Variants in PRIMPOL observed in about 807,000 individuals in gnomAD.
PRIMPOL encodes the protein primase and DNA directed polymerase.
In PRIMPOL, 54 loss-of-function variants were observed where a neutral mutation model predicts 63.6. The ratio of observed to expected loss-of-function variants is 0.85; its 90% CI spans 0.68 to 1.07. The LOEUF (loss-of-function observed/expected upper bound fraction) is 1.07, where lower values mean the gene tolerates loss of function less well. PRIMPOL is among the 50% of genes least tolerant of loss of function. The pLI is 0.00. For missense variants in PRIMPOL, 610 were observed against 648.3 expected, an observed-to-expected ratio of 0.94 and a Z score of 0.64; for synonymous variants, 197 against 220.2, an observed-to-expected ratio of 0.89 and a Z score of 0.93.
intron 7 of PRIMPOL, 117 bp from the exon 8 acceptor site, chr4:184,678,115 C>A: frequency 1.7e-6 from 1 of 581,236 alleles, no homozygotes; most frequent in Non-Finnish European, 2.8e-6. Context: ...TTGTTTACAG[C>A]TATATATAGA....
intron 1 of PRIMPOL, among the ~76,000 whole-genome samples, chr4:184,651,052 G>A (rs942210622): frequency 6.6e-6 from 1 of 152,166 alleles, no homozygotes; most frequent in Non-Finnish European, 1.5e-5. Context: ...GACTTTGGGA[G>A]GCCGAGGCAG....
chr4:184,691,778 C>A, intron 13 of PRIMPOL, 66 bp downstream of exon 13: 1 of 1,222,454 alleles, frequency 8.2e-7, no homozygotes, highest in Non-Finnish European at 1.2e-6. Context: ...ATACCTGAGC[C>A]ATGAGTAGTG....
At chr4:184,694,102 A>AATC (rs2150188932) in intron 13 of PRIMPOL, 1 of 430,382 alleles carries the variant, frequency 2.3e-6, no homozygotes, top group African/African-American at 2.1e-5. Flanking sequence ...AACTGTTTTT[A>AATC]ATCTTTTTTC....
At chr4:184,668,869 A>C (rs1479191152) in intron 6 of PRIMPOL, among the ~76,000 whole-genome samples, 1 of 144,984 alleles carries the variant, frequency 6.9e-6, no homozygotes, top group Non-Finnish European at 1.5e-5. Context: ...TATCATTATC[A>C]ATAATATTAC....
chr4:184,678,490 C>A, intron 8 of PRIMPOL, 96 bp downstream of exon 8: 159 of 703,726 alleles, frequency 2.3e-4, no homozygotes, highest in Non-Finnish European at 3.2e-4. Flanking sequence ...CATCTAAATT[C>A]ATTCTACCTT....
At chr4:184,689,873 CAAG>C (rs1326218181) in intron 11 of PRIMPOL, among the ~76,000 whole-genome samples, 3 of 152,184 alleles carry the variant, frequency 2.0e-5, no homozygotes, top group African/African-American at 7.2e-5. Flanking sequence ...TCAGATTGCT[CAAG>C]AAATGTCAAG....
intron 12 of PRIMPOL, 39 bp downstream of exon 12, chr4:184,691,620 T>C: frequency 6.2e-7 from 1 of 1,601,518 alleles, no homozygotes; most frequent in Non-Finnish European, 8.6e-7. Flanking sequence ...AAAGTAAAAA[T>C]TAGATAACTG....
rs761821580 is a variant in PRIMPOL at position 184,686,637 on chromosome 4, G to C, written c.1295+953G>C. Among the ~76,000 whole-genome samples the C allele has an allele frequency of 8.5e-5, 13 of 152,156 alleles. 1 individual carries two copies. The highest frequency in any genetic ancestry group is 4.1e-4 in the South Asian group (2 of 4,832). On this transcript the variant is annotated intron_variant, in intron 11 of 13. Transcript: ENST00000314970. ...ATAAATAGATACCCAGTAGTTATCAGTTATGAGGTGAGAAATTTTGCTGTT... is the reference window on the plus strand; with the variant it reads ...ATAAATAGATACCCAGTAGTTATCACTTATGAGGTGAGAAATTTTGCTGTT...
chr4:184,663,573 T>A (rs905961815), intron 5 of PRIMPOL, among the ~76,000 whole-genome samples: 1 of 152,220 alleles, frequency 6.6e-6, no homozygotes, highest in African/African-American at 2.4e-5. Context: ...TAATAAACAC[T>A]GGTATGGCAA....
At chr4:184,690,541 C>G (rs893568412) in intron 11 of PRIMPOL, among the ~76,000 whole-genome samples, 30 of 152,140 alleles carry the variant, frequency 2.0e-4, no homozygotes, top group African/African-American at 6.8e-4. Context: ...CTCACTGCAA[C>G]CTCCGCCTCC....
rs577501056 is a variant in PRIMPOL, at chr4:184,681,007, G to A, written c.1008-1241G>A. Among the ~76,000 whole-genome samples, 10 of 152,302 alleles carry A rather than the reference G, an allele frequency of 6.6e-5. No homozygotes were observed. The South Asian group carries it at 2.1e-3, about 32-fold the overall frequency. On this transcript the variant is annotated intron_variant, in intron 8 of 13. Coordinates refer to ENST00000314970, the MANE Select transcript of PRIMPOL (RefSeq NM_152683.4). Reference sequence around the variant, plus strand: ...CATATGGGAAAAGCAACTACAGCCCGAAGTGCAGGTAATCTCCCGATTACC... The same window carrying A: ...CATATGGGAAAAGCAACTACAGCCCAAAGTGCAGGTAATCTCCCGATTACC...
intron 8 of PRIMPOL, among the ~76,000 whole-genome samples, chr4:184,681,320 A>G (rs1414727500): frequency 6.6e-6 from 1 of 152,138 alleles, no homozygotes; most frequent in Non-Finnish European, 1.5e-5. Flanking sequence ...TGTTTGGTGA[A>G]TAGAGTTATA....
rs755080901 is a variant in PRIMPOL, at chr4:184,691,706, C to T, written c.1419C>T (p.Phe473=). The change falls in exon 13 of 14, where the codon TTC becomes TTT. Residue 473 remains phenylalanine, a synonymous_variant. Coordinates refer to ENST00000314970, the MANE Select transcript of PRIMPOL (RefSeq NM_152683.4). Reference sequence around the variant, plus strand: ...CTGAAGTATGTCTCCTGTTTCTTTTCAAAGAGGTAAGTACAGATTTTAGTG... The same window carrying T: ...CTGAAGTATGTCTCCTGTTTCTTTTTAAAGAGGTAAGTACAGATTTTAGTG... ...LPAEVCLLFL[F]KEEEEFTTDE... 3.1e-6 allele frequency: 5 copies of T among 1,610,868 alleles called. No individual in the cohort carries two copies. The highest frequency in any genetic ancestry group is 4.2e-6 in the Non-Finnish European group (5 of 1,177,620).
intron 7 of PRIMPOL, among the ~76,000 whole-genome samples, chr4:184,676,415 T>C (rs1198095717): frequency 1.9e-5 from 2 of 104,258 alleles, no homozygotes; most frequent in Admixed American, 9.3e-5. Flanking sequence ...CCCTTCTCCC[T>C]TCCCTTCTCC....
At chr4:184,684,418 T>C (rs1475354249) in intron 9 of PRIMPOL, among the ~76,000 whole-genome samples, 1 of 149,940 alleles carries the variant, frequency 6.7e-6, no homozygotes, top group Admixed American at 6.7e-5. Context: ...ATCGCGCCAC[T>C]GCACTCCAGC....
chr4:184,691,787 T>C lies in PRIMPOL; in HGVS notation c.1425+75T>C, dbSNP rs541666254. On this transcript the variant is annotated intron_variant, in intron 13 of 13. Coordinates refer to ENST00000314970, the MANE Select transcript of PRIMPOL (RefSeq NM_152683.4). ...AATAGTATACCTGAGCCATGAGTAG[T>C]GTCCAAATAGCATTGAAACCCATTT... is the stretch of plus-strand genomic sequence containing the variant. The C allele has an allele frequency of 2.9e-5, 33 of 1,129,510 alleles. No homozygotes were observed. In the East Asian group the frequency reaches 6.4e-4, roughly 22 times the overall value. 70.0% of individuals were successfully genotyped at this position (1,129,510 alleles called of 1,614,324 possible).
intron 6 of PRIMPOL, among the ~76,000 whole-genome samples, chr4:184,670,147 T>G (rs1027850176): frequency 9.2e-5 from 14 of 152,220 alleles, no homozygotes; most frequent in Admixed American, 3.3e-4. Context: ...CAGTGTGGTT[T>G]GCTGGACCAG....
chr4:184,656,880 T>C (rs1746611802), intron 2 of PRIMPOL, among the ~76,000 whole-genome samples: 1 of 152,220 alleles, frequency 6.6e-6, no homozygotes, highest in Non-Finnish European at 1.5e-5. Context: ...TTCATTAACC[T>C]GTCCAAGGTC....
intron 7 of PRIMPOL, among the ~76,000 whole-genome samples, chr4:184,675,306 A>T (rs1000263692): frequency 2.6e-5 from 4 of 152,198 alleles, no homozygotes; most frequent in Admixed American, 1.3e-4. Context: ...GGGTGTGTGT[A>T]TGTTTGGATA....
Sources: allele counts gnomAD v4.1 joint callset (sites outside exome capture counted in the v4.1 genomes callset), GRCh38; gene constraint gnomAD v4.1.1; transcripts MANE v1.5; gene names NCBI Gene and HGNC (gene_info 2026-07-23, HGNC 2026-07-21).